Variants in MAST4 observed in about 807,000 individuals in gnomAD.
MAST4 encodes microtubule-associated serine/threonine-protein kinase 4.
Under a neutral mutation model 162.7 loss-of-function variants are expected in MAST4, and 89 were observed. The observed-to-expected ratio is 0.55, with a 90% CI of 0.46 to 0.65. The LOEUF (loss-of-function observed/expected upper bound fraction) is 0.65. MAST4 is among the 30% of genes least tolerant of loss of function. The pLI, the probability that MAST4 is intolerant of heterozygous loss-of-function variation, is 0.00. For synonymous variants in MAST4, 1,479 were observed against 1,361.1 expected (o/e 1.09, Z -1.91); for missense variants, 3,153 against 3,374.0 (o/e 0.93, Z 1.62).
intron 4 of MAST4, among the ~76,000 whole-genome samples, chr5:67,027,204 G>C (rs1581247450): frequency 6.6e-6 from 1 of 152,158 alleles, no homozygotes; most frequent in African/African-American, 2.4e-5. Flanking sequence ...GGTGATTTGA[G>C]TGCTGTTTGT....
rs1310070268 is a variant in MAST4 at position 67,145,314 on chromosome 5, A to T, written c.3029A>T (p.Glu1010Val). The stretch of plus-strand genomic sequence containing the variant: ...GGAAAGCCAGCCCTTCCTCCTGAAG[A>T]GTGTGCCCAGGAGGAGCCTGAGGTC... ...EPGKPALPPE[E>V]CAQEEPEVTT... The change falls in exon 23 of 29, where the codon GAG becomes GTG. Residue 1010 changes from glutamate (E) to valine (V), a missense_variant. Glu to Val is a moderately radical substitution (Grantham distance 121). This residue lies in a region of MAST4 where 619 missense variants were observed against 744.2 expected (regional missense o/e 0.83). Coordinates refer to ENST00000403625, the MANE Select transcript of MAST4 (RefSeq NM_001164664.2). 6.2e-7 allele frequency: 1 copy of T among 1,613,798 alleles called. No homozygotes were observed. Among genetic ancestry groups the T allele is most frequent in the South Asian group, 1.1e-5 (1 of 91,070 alleles).
At chr5:66,969,721 A>G (rs1179343686) in intron 4 of MAST4, among the ~76,000 whole-genome samples, 1 of 152,232 alleles carries the variant, frequency 6.6e-6, no homozygotes, top group East Asian at 1.9e-4. Context: ...ACATGGCAGT[A>G]TGTTGTGATT....
chr5:66,834,662 C>T (rs544532272), intron 3 of MAST4, among the ~76,000 whole-genome samples: 131 of 152,270 alleles, frequency 8.6e-4, no homozygotes, highest in African/African-American at 2.7e-3. Context: ...GGGGCCTGAA[C>T]AGTTCAGGAA....
chr5:66,684,553 G>A (rs1748525612), intron 1 of MAST4, among the ~76,000 whole-genome samples: 1 of 152,204 alleles, frequency 6.6e-6, no homozygotes, highest in African/African-American at 2.4e-5. Context: ...AATGTGGGTA[G>A]TAGGTGCATA....
At chr5:67,075,989 A>T (rs543301216) in intron 5 of MAST4, among the ~76,000 whole-genome samples, 1 of 152,224 alleles carries the variant, frequency 6.6e-6, no homozygotes, top group African/African-American at 2.4e-5. Flanking sequence ...CCCATGATTA[A>T]TTGGTGATGT....
intron 3 of MAST4, among the ~76,000 whole-genome samples, chr5:66,821,152 G>A (rs1756974706): frequency 1.3e-5 from 2 of 152,164 alleles, no homozygotes; most frequent in African/African-American, 2.4e-5. Flanking sequence ...TCAGACTTTG[G>A]TGTATTATCA....
chr5:66,838,552 G>A (rs1758192144), intron 3 of MAST4, among the ~76,000 whole-genome samples: 1 of 152,202 alleles, frequency 6.6e-6, no homozygotes. Context: ...TATGGTAGGT[G>A]AGACAGACAA....
At chr5:66,842,876 T>G (rs1758525058) in intron 3 of MAST4, among the ~76,000 whole-genome samples, 1 of 152,220 alleles carries the variant, frequency 6.6e-6, no homozygotes, top group Admixed American at 6.5e-5. Context: ...ATTATTCATG[T>G]GCCTTATATT....
intron 4 of MAST4, among the ~76,000 whole-genome samples, chr5:67,050,885 T>A (rs1211178601): frequency 6.6e-6 from 1 of 152,178 alleles, no homozygotes; most frequent in Non-Finnish European, 1.5e-5. Context: ...GTTAGTCTCA[T>A]GTTGGGCTTT....
intron 4 of MAST4, among the ~76,000 whole-genome samples, chr5:67,026,425 C>T (rs998659993): frequency 3.3e-5 from 5 of 152,180 alleles, no homozygotes; most frequent in African/African-American, 1.2e-4. Flanking sequence ...TGGGTACAGA[C>T]TCACAGCCTG....
chr5:66,868,243 G>C (rs567293407), intron 3 of MAST4, among the ~76,000 whole-genome samples: 2 of 152,186 alleles, frequency 1.3e-5, no homozygotes, highest in African/African-American at 4.8e-5. Context: ...GCAAGACTGG[G>C]AATAGGGAAA....
chr5:66,644,400 C>T (rs934082507), intron 1 of MAST4, among the ~76,000 whole-genome samples: 2 of 152,150 alleles, frequency 1.3e-5, no homozygotes, highest in African/African-American at 2.4e-5. Flanking sequence ...AAAGTCTATG[C>T]TTAGGTAACT....
chr5:66,742,386 A>G (rs1242783086), intron 1 of MAST4, among the ~76,000 whole-genome samples: 2 of 152,188 alleles, frequency 1.3e-5, no homozygotes, highest in Admixed American at 1.3e-4. Context: ...GAAAGGAAAC[A>G]GAATTGCTAC....
At chr5:66,963,418 G>A (rs1327331757) in intron 4 of MAST4, among the ~76,000 whole-genome samples, 1 of 152,128 alleles carries the variant, frequency 6.6e-6, no homozygotes, top group Non-Finnish European at 1.5e-5. Flanking sequence ...GATTTTCTTT[G>A]ATGCAAAAAT....
intron 4 of MAST4, among the ~76,000 whole-genome samples, chr5:67,000,909 A>G (rs1364605786): frequency 6.6e-6 from 1 of 152,212 alleles, no homozygotes; most frequent in East Asian, 1.9e-4. Flanking sequence ...GCATTTCAGT[A>G]GGATGACAAG....
chr5:66,766,859 C>A (rs1034827778), intron 2 of MAST4, among the ~76,000 whole-genome samples: 5 of 152,122 alleles, frequency 3.3e-5, no homozygotes, highest in African/African-American at 4.8e-5. Context: ...CATGCTATGA[C>A]AAGCAAACCA....
At chr5:67,102,362 T>C (rs977147685) in intron 8 of MAST4, 174 bp from the exon 9 acceptor site, 2 of 670,686 alleles carry the variant, frequency 3.0e-6, no homozygotes, top group Non-Finnish European at 5.5e-6. Flanking sequence ...TTTGTGTTTA[T>C]GGGAATGTAT....
In MAST4 at chr5:66,759,874, C is replaced by T. The variant is rs371878083; in HGVS notation, c.517+12C>T. On this transcript the variant is annotated intron_variant, in intron 2 of 28. Transcript: ENST00000403625. ...AGGAGCCCTGACTGGTGAGTCGCAG[C>T]GGCTTGGATGAGAGAAGGAATTGCA... The T allele has an allele frequency of 3.2e-5, 51 of 1,613,302 alleles. No individual in the cohort carries two copies. Among genetic ancestry groups the T allele is most frequent in the African/African-American group, 1.9e-4 (14 of 74,988 alleles).
intron 5 of MAST4, among the ~76,000 whole-genome samples, chr5:67,081,810 T>C (rs1288907969): frequency 1.3e-5 from 2 of 152,224 alleles, no homozygotes; most frequent in Non-Finnish European, 2.9e-5. Context: ...CCAGACATTA[T>C]ATGGAAAGCT....
Sources: allele counts gnomAD v4.1 joint callset (sites outside exome capture counted in the v4.1 genomes callset), GRCh38; gene constraint gnomAD v4.1.1; regional missense constraint gnomAD v4.1.1; transcripts MANE v1.5; gene names NCBI Gene and HGNC (gene_info 2026-07-23, HGNC 2026-07-21).